Variants in SLC5A3 observed in about 807,000 individuals in gnomAD.
The protein encoded by SLC5A3 is sodium/myo-inositol cotransporter.
A neutral mutation model predicts 43.2 loss-of-function variants in SLC5A3; 10 were observed. The observed-to-expected ratio is 0.23, with a 90% CI of 0.14 to 0.39. SLC5A3 has a LOEUF of 0.39. Among genes scored for constraint, SLC5A3 ranks in the 10% least tolerant of loss-of-function variants. The probability of loss-of-function intolerance (pLI) is 1.00; values close to 1 mark genes in which losing one functional copy is unlikely to be tolerated. For synonymous variants in SLC5A3, 349 were observed against 322.0 expected, an observed-to-expected ratio of 1.08 and a Z score of -0.90; for missense variants, 608 against 893.4, an observed-to-expected ratio of 0.68 and a Z score of 4.07.
At position 34,102,007 on chromosome 21, in the gene SLC5A3, A is replaced by AT. The variant is rs1979259349; in HGVS notation, c.*4653dup. 1.4e-5 allele frequency: 14 copies of AT among 1,000,204 alleles called. No homozygotes were observed. The highest frequency in any genetic ancestry group is 1.7e-5 in the Non-Finnish European group (14 of 829,932). The allele number at this position is 1,000,204 out of a possible 1,614,324, so 62.0% of individuals were successfully genotyped here. A position where few individuals can be genotyped will look rare whatever the true frequency, so the allele number is the denominator to read the frequency against. ...GTAAAAATTTGGAATTAGTTGGCAT[A>AT]TAGAGGAACCCTTTTGTACTGGAAC... On this transcript the variant is annotated 3_prime_UTR_variant, in exon 2 of 2. Transcript: ENST00000381151.
At chr21:34,092,923 G>C (rs988746571) in intron 1 of SLC5A3, among the ~76,000 whole-genome samples, 1 of 152,194 alleles carries the variant, frequency 6.6e-6, no homozygotes, top group East Asian at 1.9e-4. Context: ...GACTTGGATG[G>C]CTGTTGGGTA....
In SLC5A3 at chr21:34,104,388, A is replaced by G; in HGVS notation, c.*7033A>G. ...CCACCTCCTCACTTCACCTCCGAGTAGCTTGTTTATCAAGAATGAATGAAT... is the reference window on the plus strand; with the variant it reads ...CCACCTCCTCACTTCACCTCCGAGTGGCTTGTTTATCAAGAATGAATGAAT... On this transcript the variant is annotated 3_prime_UTR_variant, in exon 2 of 2. Transcript: ENST00000381151. 1.0e-6 allele frequency: 1 copy of G among 1,000,210 alleles called. No homozygotes were observed. The highest frequency in any genetic ancestry group is 1.7e-5 in the African/African-American group (1 of 57,356). The allele number at this position is 1,000,210 out of a possible 1,614,324, so 62.0% of individuals were successfully genotyped here.
chr21:34,102,867 G>A lies in SLC5A3; in HGVS notation c.*5512G>A. ...ACATTCAGAGCTCTATCAATAAGAGGAATACATATTACAGTGAATTCGACA... is the reference window on the plus strand; with the variant it reads ...ACATTCAGAGCTCTATCAATAAGAGAAATACATATTACAGTGAATTCGACA... On this transcript the variant is annotated 3_prime_UTR_variant, in exon 2 of 2. Transcript: ENST00000381151. The A allele has an allele frequency of 1.0e-6, 1 of 999,908 alleles. No homozygotes were observed. 61.9% of individuals were successfully genotyped at this position (999,908 alleles called of 1,614,324 possible). A position where few individuals can be genotyped will look rare whatever the true frequency, so the allele number is the denominator to read the frequency against.
chr21:34,106,006 TGAAAAA>T lies in SLC5A3; in HGVS notation c.*8652_*8657del. On this transcript the variant is annotated 3_prime_UTR_variant, in exon 2 of 2. Transcript: ENST00000381151. The stretch of plus-strand genomic sequence containing the variant: ...TTTGAAAGTGTTATTGTTTAAAAAA[TGAAAAA>T]AGCATATCTGCTAAAGAGCTGTCAG... 1.0e-6 allele frequency: 1 copy of T among 995,310 alleles called. No individual in the cohort carries two copies. Among genetic ancestry groups the T allele is most frequent in the Non-Finnish European group, 1.2e-6 (1 of 825,452 alleles). 61.7% of individuals were successfully genotyped at this position (995,310 alleles called of 1,614,324 possible).
chr21:34,098,405 T>G lies in SLC5A3; in HGVS notation c.*1050T>G. The G allele has an allele frequency of 3.4e-5, 34 of 1,000,256 alleles. No individual in the cohort carries two copies. The highest frequency in any genetic ancestry group is 4.1e-5 in the Non-Finnish European group (34 of 829,992). 62.0% of individuals were successfully genotyped at this position (1,000,256 alleles called of 1,614,324 possible). ...AGATCATGATATATCAAGGTTGAATTTTTAGAGGGAAAATTTAATTCTGAT... is the reference window on the plus strand; with the variant it reads ...AGATCATGATATATCAAGGTTGAATGTTTAGAGGGAAAATTTAATTCTGAT... On this transcript the variant is annotated 3_prime_UTR_variant, in exon 2 of 2. Transcript: ENST00000381151.
chr21:34,090,814 T>C (rs1026875485), intron 1 of SLC5A3, among the ~76,000 whole-genome samples: 1 of 150,820 alleles, frequency 6.6e-6, no homozygotes, highest in Non-Finnish European at 1.5e-5. Context: ...CCTGAGATCC[T>C]ACAGTTAGGA....
At chr21:34,089,942 A>C (rs1267875644) in intron 1 of SLC5A3, among the ~76,000 whole-genome samples, 2 of 152,224 alleles carry the variant, frequency 1.3e-5, no homozygotes, top group Non-Finnish European at 2.9e-5. Context: ...CCGTATCTTA[A>C]ATGCTTGGGA....
intron 1 of SLC5A3, among the ~76,000 whole-genome samples, chr21:34,078,875 A>G (rs1989394484): frequency 6.6e-6 from 1 of 152,226 alleles, no homozygotes; most frequent in Non-Finnish European, 1.5e-5. Context: ...TAGAATTTCC[A>G]ATATACTCAT....
At chr21:34,090,366 T>G (rs1484670604) in intron 1 of SLC5A3, among the ~76,000 whole-genome samples, 1 of 152,212 alleles carries the variant, frequency 6.6e-6, no homozygotes, top group Admixed American at 6.5e-5. Flanking sequence ...TTCCTAGAAC[T>G]TGAGTCAAGG....
At position 34,083,685 on chromosome 21, in the gene SLC5A3, C is replaced by A. The variant is rs556948595; in HGVS notation, c.-337+9940C>A. Among the ~76,000 whole-genome samples the A allele has an allele frequency of 2.0e-5, 3 of 152,262 alleles. No homozygotes were observed. In the East Asian group the frequency reaches 5.8e-4, roughly 29 times the overall value. ...TATAGTATCTTGAAGCTTTAAGACA[C>A]CAAGTTTCCATTAGGCAGCCTAAGT... On this transcript the variant is annotated intron_variant, in intron 1 of 1. Coordinates refer to ENST00000381151, the MANE Select transcript of SLC5A3 (RefSeq NM_006933.7).
At chr21:34,078,523 T>C (rs573340552) in intron 1 of SLC5A3, among the ~76,000 whole-genome samples, 1 of 152,302 alleles carries the variant, frequency 6.6e-6, no homozygotes. Flanking sequence ...AATACTGATG[T>C]TTCTAGATTT....
rs763469218 is a variant in SLC5A3 at position 34,098,225 on chromosome 21, T to C, written c.*870T>C. 4 of 999,080 alleles carry C rather than the reference T, an allele frequency of 4.0e-6. No homozygotes were observed. Among genetic ancestry groups the C allele is most frequent in the Non-Finnish European group, 4.8e-6 (4 of 829,010 alleles). The allele number at this position is 999,080 out of a possible 1,614,324, so 61.9% of individuals were successfully genotyped here. A position where few individuals can be genotyped will look rare whatever the true frequency, so the allele number is the denominator to read the frequency against. On this transcript the variant is annotated 3_prime_UTR_variant, in exon 2 of 2. Transcript: ENST00000381151. ...GATTAACTTATGCTAATCAGATGAT[T>C]ACTCATATATTCTGCTAATTTTCTA...
At position 34,103,326 on chromosome 21, in the gene SLC5A3, A is replaced by G; in HGVS notation, c.*5971A>G. 1.0e-6 allele frequency: 1 copy of G among 999,128 alleles called. No homozygotes were observed. The highest frequency in any genetic ancestry group is 1.2e-6 in the Non-Finnish European group (1 of 829,252). 61.9% of individuals were successfully genotyped at this position (999,128 alleles called of 1,614,324 possible). On this transcript the variant is annotated 3_prime_UTR_variant, in exon 2 of 2. Transcript: ENST00000381151. ...ACTAGTGAAGGAAGTAAAAAAAAAA[A>G]AAAAACATGCATTACATTGACATAC...
chr21:34,093,695 C>T (rs1399069726), intron 1 of SLC5A3, among the ~76,000 whole-genome samples: 2 of 152,088 alleles, frequency 1.3e-5, no homozygotes, highest in East Asian at 1.9e-4. Context: ...AATTGTTGTT[C>T]GTATTGATCT....
At chr21:34,079,265 A>G (rs978531533) in intron 1 of SLC5A3, among the ~76,000 whole-genome samples, 2 of 152,218 alleles carry the variant, frequency 1.3e-5, no homozygotes, top group African/African-American at 4.8e-5. Flanking sequence ...AAGTAAAGTT[A>G]CATTGGAACA....
intron 1 of SLC5A3, among the ~76,000 whole-genome samples, chr21:34,074,212 A>C (rs949694799): frequency 9.3e-5 from 14 of 150,104 alleles, no homozygotes; most frequent in African/African-American, 2.7e-4. Flanking sequence ...GCTGCCGCCG[A>C]CCGCCTCCGC....
intron 1 of SLC5A3, among the ~76,000 whole-genome samples, chr21:34,082,907 T>A (rs2148654052): frequency 6.6e-6 from 1 of 152,322 alleles, no homozygotes; most frequent in East Asian, 1.9e-4. Flanking sequence ...GTAATTTCTG[T>A]CCACTTTGGG....
intron 1 of SLC5A3, among the ~76,000 whole-genome samples, chr21:34,075,309 C>T (rs1359815588): frequency 6.6e-6 from 1 of 152,194 alleles, no homozygotes; most frequent in Non-Finnish European, 1.5e-5. Context: ...CCCTTTGAAA[C>T]CTTTGAAATG....
chr21:34,085,557 A>G lies in SLC5A3; in HGVS notation c.-336-9306A>G, dbSNP rs557755666. 1.5e-4 allele frequency among the ~76,000 whole-genome samples: 22 copies of G among 151,320 alleles called. No homozygotes were observed. The South Asian group carries it at 4.4e-3, about 30-fold the overall frequency. ...GGAGTACTTTAAAGCAAACTTAGAT[A>G]TATCATTTCACCTGTAAGTAATTAG... On this transcript the variant is annotated intron_variant, in intron 1 of 1. Transcript: ENST00000381151.
Sources: allele counts gnomAD v4.1 joint callset (sites outside exome capture counted in the v4.1 genomes callset), GRCh38; gene constraint gnomAD v4.1.1; transcripts MANE v1.5; gene names NCBI Gene and HGNC (gene_info 2026-07-23, HGNC 2026-07-21).